SGCZ: variants seen among roughly 807,000 people sequenced by gnomAD.
The protein encoded by SGCZ is sarcoglycan zeta, also known as zeta-sarcoglycan.
In SGCZ, 40 loss-of-function variants were observed where a neutral mutation model predicts 41.3. That is an observed-to-expected ratio of 0.97 (90% CI 0.75 to 1.26). The LOEUF (loss-of-function observed/expected upper bound fraction) is 1.26. Ranked by LOEUF, SGCZ falls within the 50% of genes most tolerant of loss-of-function variation. SGCZ has a pLI of 0.00. For synonymous variants in SGCZ, 206 were observed against 137.5 expected, an observed-to-expected ratio of 1.50 and a Z score of -3.49; for missense variants, 552 against 369.8, an observed-to-expected ratio of 1.49 and a Z score of -4.04.
intron 1 of SGCZ, among the ~76,000 whole-genome samples, chr8:14,956,631 C>A (rs1028863530): frequency 2.0e-5 from 3 of 151,842 alleles, no homozygotes; most frequent in African/African-American, 7.3e-5. Context: ...CAAAAGCACA[C>A]AAAGTTATCT....
At chr8:15,125,467 T>G (rs2116960238) in intron 1 of SGCZ, among the ~76,000 whole-genome samples, 1 of 152,288 alleles carries the variant, frequency 6.6e-6, no homozygotes, top group South Asian at 2.1e-4. Context: ...CCCTTCTTTG[T>G]GCAAACTTCT....
At chr8:15,109,980 A>T (rs1007728026) in intron 1 of SGCZ, among the ~76,000 whole-genome samples, 1 of 152,240 alleles carries the variant, frequency 6.6e-6, no homozygotes, top group Non-Finnish European at 1.5e-5. Flanking sequence ...AAATAATTTT[A>T]AAAATAAAGG....
intron 1 of SGCZ, among the ~76,000 whole-genome samples, chr8:14,640,807 C>A (rs1806999388): frequency 6.6e-6 from 1 of 151,620 alleles, no homozygotes; most frequent in Admixed American, 6.6e-5. Flanking sequence ...AAGCACATCT[C>A]ATCTTTTCTG....
At chr8:14,263,284 C>T (rs55976608) in intron 3 of SGCZ, among the ~76,000 whole-genome samples, 19,631 of 152,162 alleles carry the variant, frequency 0.13, 2,039 homozygotes, top group East Asian at 0.29. Flanking sequence ...GAAAAGGCCT[C>T]ATGCCTGTAA....
At chr8:14,819,488 G>A (rs571754990) in intron 1 of SGCZ, among the ~76,000 whole-genome samples, 2 of 152,100 alleles carry the variant, frequency 1.3e-5, no homozygotes, top group Non-Finnish European at 2.9e-5. Context: ...ACTCAAGAAA[G>A]TGCTACAACT....
chr8:14,146,439 A>C, intron 5 of SGCZ, among the ~76,000 whole-genome samples: 1 of 152,224 alleles, frequency 6.6e-6, no homozygotes, highest in Admixed American at 6.5e-5. Flanking sequence ...GAAATGCTAA[A>C]GGAATTATTT....
At chr8:14,462,263 A>C (rs1800922443) in intron 2 of SGCZ, among the ~76,000 whole-genome samples, 1 of 151,976 alleles carries the variant, frequency 6.6e-6, no homozygotes, top group African/African-American at 2.4e-5. Flanking sequence ...TGGAAAAAAC[A>C]TATAGAGGTG....
At chr8:14,154,783 T>G (rs998155663) in intron 5 of SGCZ, among the ~76,000 whole-genome samples, 2 of 152,114 alleles carry the variant, frequency 1.3e-5, no homozygotes, top group Non-Finnish European at 2.9e-5. Flanking sequence ...ACAGGCACCA[T>G]GAATTAAGGA....
At chr8:15,219,072 T>C (rs2117179503) in intron 1 of SGCZ, among the ~76,000 whole-genome samples, 1 of 152,328 alleles carries the variant, frequency 6.6e-6, no homozygotes. Context: ...ATTAGGAAGA[T>C]AAAGAGCTTT....
At chr8:15,213,622 C>T (rs1414990830) in intron 1 of SGCZ, among the ~76,000 whole-genome samples, 1 of 151,638 alleles carries the variant, frequency 6.6e-6, no homozygotes, top group East Asian at 1.9e-4. Context: ...CACATTCCTA[C>T]ATAGATTTAT....
chr8:14,579,739 G>A (rs1216656262), intron 1 of SGCZ, among the ~76,000 whole-genome samples: 1 of 152,164 alleles, frequency 6.6e-6, no homozygotes, highest in Non-Finnish European at 1.5e-5. Flanking sequence ...TTAGGGAGTG[G>A]CTAGGGAGTG....
chr8:14,510,081 C>T (rs1802424563), intron 2 of SGCZ, among the ~76,000 whole-genome samples: 1 of 152,008 alleles, frequency 6.6e-6, no homozygotes. Flanking sequence ...TAAAATAATT[C>T]CCAATGCAAT....
At chr8:14,573,880 G>A (rs1186353574) in intron 1 of SGCZ, among the ~76,000 whole-genome samples, 1 of 152,046 alleles carries the variant, frequency 6.6e-6, no homozygotes. Flanking sequence ...AAATAAAATG[G>A]CCTAACTCTG....
intron 5 of SGCZ, among the ~76,000 whole-genome samples, chr8:14,123,447 A>G (rs1349933695): frequency 1.3e-5 from 2 of 152,190 alleles, no homozygotes; most frequent in Non-Finnish European, 2.9e-5. Context: ...ACTATACTTA[A>G]TATAGAGAGA....
At chr8:15,192,474 A>G (rs990180364) in intron 1 of SGCZ, among the ~76,000 whole-genome samples, 15 of 152,136 alleles carry the variant, frequency 9.9e-5, no homozygotes, top group South Asian at 2.1e-4. Flanking sequence ...ATCCATTTAA[A>G]TATTTTCTAG....
chr8:14,798,314 C>T (rs1801205073), intron 1 of SGCZ, among the ~76,000 whole-genome samples: 1 of 152,100 alleles, frequency 6.6e-6, no homozygotes, highest in Non-Finnish European at 1.5e-5. Context: ...TAATCCTCTC[C>T]CCACGGTTAC....
intron 1 of SGCZ, 34 bp from the exon 2 acceptor site, chr8:14,554,960 G>C: frequency 2.0e-5 from 27 of 1,368,396 alleles, no homozygotes; most frequent in Middle Eastern, 1.9e-4. Flanking sequence ...GAGAAAGAAG[G>C]AAAAAAAAAG....
chr8:14,915,414 C>T (rs1322804456), intron 1 of SGCZ, among the ~76,000 whole-genome samples: 3 of 152,102 alleles, frequency 2.0e-5, no homozygotes, highest in Non-Finnish European at 2.9e-5. Flanking sequence ...AGCCCCAAAT[C>T]GTTTCCTAAC....
At chr8:14,546,291 G>C (rs1803624765) in intron 2 of SGCZ, among the ~76,000 whole-genome samples, 1 of 152,108 alleles carries the variant, frequency 6.6e-6, no homozygotes. Context: ...TGCGTGCTGA[G>C]GAATGAATTC....
Sources: allele counts gnomAD v4.1 joint callset (sites outside exome capture counted in the v4.1 genomes callset), GRCh38; gene constraint gnomAD v4.1.1; transcripts MANE v1.5; gene names NCBI Gene and HGNC (gene_info 2026-07-23, HGNC 2026-07-21).